The following CCZ1 variants were observed in gnomAD, a reference collection of about 807,000 sequenced individuals.
CCZ1 encodes the protein CCZ1 vacuolar protein trafficking and biogenesis associated.
In CCZ1, 19 loss-of-function variants were observed where a neutral mutation model predicts 57.8. The observed-to-expected ratio is 0.33, with a 90% CI of 0.23 to 0.48. The LOEUF is 0.48. CCZ1 is among the 20% of genes least tolerant of loss of function. CCZ1 has a pLI of 0.99. For synonymous variants in CCZ1, 81 were observed against 167.0 expected, an observed-to-expected ratio of 0.49 and a Z score of 3.97; for missense variants, 200 against 492.0, an observed-to-expected ratio of 0.41 and a Z score of 5.61.
intron 9 of CCZ1, among the ~76,000 whole-genome samples, chr7:5,912,237 T>C (rs1421990455): frequency 2.4e-5 from 3 of 125,994 alleles, no homozygotes; most frequent in African/African-American, 6.1e-5. Context: ...GGATTACAGG[T>C]GTGATCCACC....
rs13238952 is a variant in CCZ1 at position 5,910,686 on chromosome 7, C to T, written c.780+570C>T. Among the ~76,000 whole-genome samples, 14 of 112,226 alleles carry T rather than the reference C, an allele frequency of 1.2e-4. 1 individual carries two copies. Among genetic ancestry groups the T allele is most frequent in the African/African-American group, 3.9e-4 (12 of 30,400 alleles). The allele number at this position is 112,226 out of a possible 152,430, so 73.6% of individuals were successfully genotyped here. ...TAGAGGAAAATTGGATTTTACTTTA[C>T]TTTTAATTTATGTATTTTATTTTAT... On this transcript the variant is annotated intron_variant, in intron 8 of 14. Coordinates refer to ENST00000325974, the MANE Select transcript of CCZ1 (RefSeq NM_015622.6).
chr7:5,912,069 C>T lies in CCZ1; in HGVS notation c.842+147C>T. The T allele has an allele frequency of 5.2e-6, 8 of 1,540,146 alleles. No homozygotes were observed. The Admixed American group carries it at 6.1e-5, about 12-fold the overall frequency. ...CCCCGGGCTCAAGTGACTGTCATGCCTCAGCCTCCCAAGTAGCTGGAACTA... is the reference window on the plus strand; with the variant it reads ...CCCCGGGCTCAAGTGACTGTCATGCTTCAGCCTCCCAAGTAGCTGGAACTA... On this transcript the variant is annotated intron_variant, in intron 9 of 14. Coordinates refer to ENST00000325974, the MANE Select transcript of CCZ1 (RefSeq NM_015622.6).
intron 5 of CCZ1, 96 bp downstream of exon 5, chr7:5,901,800 A>G: frequency 6.7e-7 from 1 of 1,495,594 alleles, no homozygotes; most frequent in Non-Finnish European, 9.0e-7. Flanking sequence ...AATGACTGCA[A>G]AGTGACTCTG....
chr7:5,905,881 A>ATAAATGT (rs1562539531), intron 7 of CCZ1, among the ~76,000 whole-genome samples: 8 of 128,486 alleles, frequency 6.2e-5, no homozygotes, highest in Admixed American at 1.6e-4. Flanking sequence ...TTCTGAAATG[A>ATAAATGT]TAAAAGCAGA....
chr7:5,906,004 A>G (rs1781807304), intron 7 of CCZ1, among the ~76,000 whole-genome samples: 1 of 144,354 alleles, frequency 6.9e-6, no homozygotes, highest in East Asian at 2.4e-4. Context: ...CAGCCTCCCA[A>G]AGTGCTGGGA....
At chr7:5,922,696 G>A (rs1393894585) in intron 12 of CCZ1, among the ~76,000 whole-genome samples, 11 of 151,294 alleles carry the variant, frequency 7.3e-5, no homozygotes, top group African/African-American at 7.4e-5. Flanking sequence ...AGACTGCAGT[G>A]GAAAAGGCGA....
chr7:5,920,889 A>T (rs1200846280), intron 12 of CCZ1, among the ~76,000 whole-genome samples: 1 of 120,530 alleles, frequency 8.3e-6, no homozygotes, highest in Non-Finnish European at 1.8e-5. Context: ...TTGAGAAGTT[A>T]CTAAAAGGCT....
intron 9 of CCZ1, 113 bp downstream of exon 9, chr7:5,912,035 C>T: frequency 1.3e-6 from 2 of 1,580,780 alleles, no homozygotes; most frequent in Non-Finnish European, 1.7e-6. Context: ...CTCACTGCAA[C>T]CTCCGCCTCC....
In CCZ1 at chr7:5,902,760, T is replaced by G. The variant is rs1290947769; in HGVS notation, c.522+16T>G. ...CTTCCATCGGGTAAGTATTTTGAAT[T>G]TCATTTATAACTTTAGTAAGCATTC... is the stretch of plus-strand genomic sequence containing the variant. On this transcript the variant is annotated intron_variant, in intron 6 of 14. Coordinates refer to ENST00000325974, the MANE Select transcript of CCZ1 (RefSeq NM_015622.6). 5.7e-6 allele frequency: 9 copies of G among 1,588,678 alleles called. No homozygotes were observed. The highest frequency in any genetic ancestry group is 6.8e-6 in the Non-Finnish European group (8 of 1,175,070).
chr7:5,902,375 T>C, intron 5 of CCZ1: 1 of 292,982 alleles, frequency 3.4e-6, no homozygotes, highest in Non-Finnish European at 6.0e-6. Flanking sequence ...AAAACAGAAA[T>C]GTGGGTGATA....
intron 10 of CCZ1, among the ~76,000 whole-genome samples, chr7:5,916,730 A>T (rs1230004157): frequency 6.8e-6 from 1 of 146,542 alleles, no homozygotes; most frequent in Non-Finnish European, 1.5e-5. Flanking sequence ...CTGGCCCCAC[A>T]TGGCCAGCCT....
chr7:5,912,725 A>G (rs1226475235), intron 9 of CCZ1, 118 bp from the exon 10 acceptor site: 1 of 1,219,124 alleles, frequency 8.2e-7, no homozygotes, highest in African/African-American at 1.5e-5. Context: ...GGTGTTTGCC[A>G]AATAGCACCT....
At position 5,910,112 on chromosome 7, in the gene CCZ1, C is replaced by G. The variant is rs1324354751; in HGVS notation, c.776C>G (p.Pro259Arg). 20 of 1,578,710 alleles carry G rather than the reference C, an allele frequency of 1.3e-5. No homozygotes were observed. The highest frequency in any genetic ancestry group is 1.5e-5 in the Non-Finnish European group (17 of 1,153,196). ...TCCCTTTTTCCAAGGCACATCGAAC[C>G]TGAGGTATGATGGGTACCATAGCTG... ...TTSLFPRHIEPELAGRDSPIR... is the reference protein window; with the variant it reads ...TTSLFPRHIERELAGRDSPIR... The change falls in exon 8 of 15, where the codon CCT (proline) becomes CGT (arginine). Residue 259 changes from proline to arginine, a missense_variant. Transcript: ENST00000325974.
chr7:5,900,462 A>C lies in CCZ1; in HGVS notation c.219-11A>C, dbSNP rs753669327. 1 of 1,593,538 alleles carries C rather than the reference A, an allele frequency of 6.3e-7. No homozygotes were observed. The highest frequency in any genetic ancestry group is 1.4e-5 in the African/African-American group (1 of 72,314). On this transcript the variant is annotated splice_polypyrimidine_tract_variant and intron_variant, in intron 2 of 14. Transcript: ENST00000325974. Reference sequence around the variant, plus strand: ...AGAATTGTCCCAAACATATTTTTTTAACCTTTGTAGGACATTTAGCCCATC... The same window carrying C: ...AGAATTGTCCCAAACATATTTTTTTCACCTTTGTAGGACATTTAGCCCATC...
chr7:5,909,043 G>A (rs1781901735), intron 7 of CCZ1, among the ~76,000 whole-genome samples: 1 of 146,496 alleles, frequency 6.8e-6, no homozygotes, highest in African/African-American at 2.5e-5. Flanking sequence ...GAAACAGTGT[G>A]GCTTTGGAGG....
rs540525309 is a variant in CCZ1, at chr7:5,899,897, C to T, written c.121-387C>T. Reference sequence around the variant, plus strand: ...AGCATTGGTGTATTACAAATTAGCACTAGGAAAGAAACCTAGAGACTTGAG... The same window carrying T: ...AGCATTGGTGTATTACAAATTAGCATTAGGAAAGAAACCTAGAGACTTGAG... On this transcript the variant is annotated intron_variant, in intron 1 of 14. Transcript: ENST00000325974. Among the ~76,000 whole-genome samples, 11 of 147,824 alleles carry T rather than the reference C, an allele frequency of 7.4e-5. No individual in the cohort carries two copies. The South Asian group carries it at 2.4e-3, about 32-fold the overall frequency.
chr7:5,909,803 T>G (rs1457331281), intron 7 of CCZ1, among the ~76,000 whole-genome samples: 1 of 150,786 alleles, frequency 6.6e-6, no homozygotes, highest in Non-Finnish European at 1.5e-5. Flanking sequence ...AATTCAGATT[T>G]ACCTCAATGC....
intron 7 of CCZ1, among the ~76,000 whole-genome samples, chr7:5,908,358 ATTTACT>A (rs1207813001): frequency 1.7e-5 from 2 of 119,524 alleles, no homozygotes; most frequent in African/African-American, 6.3e-5. Flanking sequence ...ACCCTTATGT[ATTTACT>A]TAGTATATTG....
intron 7 of CCZ1, among the ~76,000 whole-genome samples, chr7:5,908,134 C>T (rs2528326): frequency 7.0e-5 from 10 of 143,064 alleles, no homozygotes; most frequent in East Asian, 4.8e-4. Flanking sequence ...CACGTTTTGA[C>T]GGAATTGCTT....
Sources: allele counts gnomAD v4.1 joint callset (sites outside exome capture counted in the v4.1 genomes callset), GRCh38; gene constraint gnomAD v4.1.1; transcripts MANE v1.5; gene names NCBI Gene and HGNC (gene_info 2026-07-23, HGNC 2026-07-21).